The following PVT1 variants were observed in gnomAD, a reference collection of about 807,000 sequenced individuals.
The protein encoded by PVT1 is Pvt1 oncogene.
rs13255621 is a variant in PVT1 at position 127,974,221 on chromosome 8, A to C, written n.783-14941A>C. Among the ~76,000 whole-genome samples, 645 of 152,074 alleles carry C rather than the reference A, an allele frequency of 4.2e-3. 2 individuals are homozygous for C. Among genetic ancestry groups the C allele is most frequent in the Non-Finnish European group, 6.9e-3 (469 of 67,972 alleles). ...GGAGAGCTGACGTTGCTAATATATCACCCCATTGGTGCCTACAGTTTCCAT... is the reference window on the plus strand; with the variant it reads ...GGAGAGCTGACGTTGCTAATATATCCCCCCATTGGTGCCTACAGTTTCCAT... On this transcript the variant is annotated intron_variant and non_coding_transcript_variant, in intron 3 of 10. Coordinates refer to ENST00000651587, the Ensembl canonical transcript of PVT1.
At chr8:128,067,167 A>G (rs2130129905) in intron 4 of PVT1, among the ~76,000 whole-genome samples, 2 of 152,250 alleles carry the variant, frequency 1.3e-5, no homozygotes, top group Admixed American at 1.3e-4. Flanking sequence ...TGGTTATCTA[A>G]CAATCCTCAT....
At chr8:128,022,962 G>A (rs1291962414) in intron 4 of PVT1, among the ~76,000 whole-genome samples, 3 of 151,684 alleles carry the variant, frequency 2.0e-5, no homozygotes, top group African/African-American at 4.8e-5. Context: ...CACCTCCTGG[G>A]TTCAAGCAAT....
chr8:127,878,526 G>A (rs1307571373), intron 2 of PVT1, among the ~76,000 whole-genome samples: 1 of 152,140 alleles, frequency 6.6e-6, no homozygotes, highest in Non-Finnish European at 1.5e-5. Context: ...GCTTGACATT[G>A]CATCCCTCCC....
chr8:128,091,251 C>T (rs778783438), intron 5 of PVT1, among the ~76,000 whole-genome samples: 6 of 152,158 alleles, frequency 3.9e-5, no homozygotes, highest in Non-Finnish European at 5.9e-5. Context: ...CCCAAGGTTG[C>T]CCTGGTGCTC....
intron 4 of PVT1, among the ~76,000 whole-genome samples, chr8:128,048,904 G>A (rs1375690739): frequency 1.3e-5 from 2 of 152,364 alleles, no homozygotes; most frequent in South Asian, 4.1e-4. Context: ...GTCAGAAGAG[G>A]TTATAATTTG....
intron 3 of PVT1, among the ~76,000 whole-genome samples, chr8:127,933,341 C>T (rs1816234076): frequency 6.6e-6 from 1 of 152,208 alleles, no homozygotes; most frequent in African/African-American, 2.4e-5. Context: ...TCCCAAAGTG[C>T]TGGGGTTACA....
chr8:127,894,505 A>G (rs528815621), intron 3 of PVT1, among the ~76,000 whole-genome samples: 1 of 152,352 alleles, frequency 6.6e-6, no homozygotes, highest in East Asian at 1.9e-4. Flanking sequence ...CCCATCTGTC[A>G]GCCTTGACAC....
chr8:127,904,733 G>A (rs1815799860), intron 3 of PVT1, among the ~76,000 whole-genome samples: 1 of 152,226 alleles, frequency 6.6e-6, no homozygotes, highest in East Asian at 1.9e-4. Flanking sequence ...ACTGAGGCCG[G>A]TGATGGGGAG....
chr8:127,861,505 A>G (rs963896482), intron 2 of PVT1, among the ~76,000 whole-genome samples: 4 of 152,094 alleles, frequency 2.6e-5, no homozygotes, highest in East Asian at 1.9e-4. Context: ...ACACTTAGCA[A>G]TAGTCACCCT....
chr8:127,794,743 C>T (rs77832935), intron 1 of PVT1: 2,366 of 153,422 alleles, frequency 0.015, 49 homozygotes, highest in East Asian at 0.1. Context: ...CAGTAAGTTC[C>T]AATTTTGTCC....
intron 3 of PVT1, chr8:127,983,785 A>G (rs753225123): frequency 1.3e-5 from 2 of 151,796 alleles, no homozygotes; most frequent in Non-Finnish European, 2.9e-5. Context: ...AGTAGTCCCA[A>G]TAATGTCCCT....
intron 2 of PVT1, among the ~76,000 whole-genome samples, chr8:127,860,148 A>G (rs1281970045): frequency 6.6e-6 from 1 of 152,156 alleles, no homozygotes; most frequent in Non-Finnish European, 1.5e-5. Context: ...TGCTCTGTGA[A>G]GAGAACCGGC....
chr8:128,034,685 T>C (rs1367278678), intron 4 of PVT1, among the ~76,000 whole-genome samples: 1 of 152,188 alleles, frequency 6.6e-6, no homozygotes, highest in Admixed American at 6.5e-5. Flanking sequence ...ATCACTTAGC[T>C]CTAACTTGGA....
At chr8:127,978,504 G>A (rs914278052) in intron 3 of PVT1, among the ~76,000 whole-genome samples, 2 of 148,330 alleles carry the variant, frequency 1.3e-5, no homozygotes, top group African/African-American at 2.5e-5. Context: ...ATTATTAAAC[G>A]GAGTCTCGCT....
At chr8:127,796,877 C>CTTTTTT (rs34435526) in intron 2 of PVT1, among the ~76,000 whole-genome samples, 2 of 121,118 alleles carry the variant, frequency 1.7e-5, no homozygotes, top group African/African-American at 3.1e-5. Flanking sequence ...TCTTGTTTTG[C>CTTTTTT]TTTTTTTTTT....
chr8:128,087,396 A>G (rs1159986140), intron 5 of PVT1, among the ~76,000 whole-genome samples: 1 of 152,178 alleles, frequency 6.6e-6, no homozygotes, highest in Non-Finnish European at 1.5e-5. Context: ...TTTGCCGGAA[A>G]ATGATGCTGC....
chr8:127,809,057 AAAG>A (rs1814562075), intron 2 of PVT1, among the ~76,000 whole-genome samples: 3 of 72,938 alleles, frequency 4.1e-5, no homozygotes, highest in South Asian at 8.9e-4. Context: ...AAAAAAAAAG[AAAG>A]AAAAAAAAGA....
chr8:128,026,094 T>C (rs7833713), intron 4 of PVT1, among the ~76,000 whole-genome samples: 22,043 of 152,032 alleles, frequency 0.14, 3,619 homozygotes, highest in African/African-American at 0.41. Flanking sequence ...AGGTGTGCAC[T>C]ACCACACCCA....
chr8:127,812,000 G>T (rs925898829), intron 2 of PVT1, among the ~76,000 whole-genome samples: 1 of 152,054 alleles, frequency 6.6e-6, no homozygotes, highest in African/African-American at 2.4e-5. Context: ...CCAGCACTTT[G>T]GGAGGCCGAG....
Sources: allele counts gnomAD v4.1 joint callset (sites outside exome capture counted in the v4.1 genomes callset), GRCh38; gene constraint gnomAD v4.1.1; transcripts MANE v1.5; gene names NCBI Gene and HGNC (gene_info 2026-07-23, HGNC 2026-07-21).